PSD3: variants seen among roughly 807,000 people sequenced by gnomAD.
PSD3 encodes the protein pleckstrin and Sec7 domain containing 3.
PSD3 carries 49 observed loss-of-function variants against 105.5 expected under a neutral mutation model. That is an observed-to-expected ratio of 0.46 (90% CI 0.37 to 0.59). The LOEUF (loss-of-function observed/expected upper bound fraction) is 0.59. Among genes scored for constraint, PSD3 ranks in the 20% least tolerant of loss-of-function variants. The probability of loss-of-function intolerance (pLI) is 0.00; values close to 1 mark genes in which losing one functional copy is unlikely to be tolerated. For missense variants in PSD3, 1,561 were observed against 1,263.8 expected, an observed-to-expected ratio of 1.24 and a Z score of -3.57; for synonymous variants, 557 against 457.8, an observed-to-expected ratio of 1.22 and a Z score of -2.77.
chr8:19,021,288 C>A lies in PSD3; in HGVS notation c.324+62918G>T, dbSNP rs10104279. 3.4e-3 allele frequency among the ~76,000 whole-genome samples: 518 copies of A among 152,322 alleles called. 2 individuals are homozygous for A. The highest frequency in any genetic ancestry group is 0.012 in the African/African-American group (500 of 41,588). On this transcript the variant is annotated intron_variant, in intron 1 of 1. Transcript: ENST00000521475. ...GTGTCTGCGTTCTGCTCTCTCCCTA[C>A]CTCCTGCAATCATCACTTCTCTTTT...
rs1204381287 is a variant in PSD3, at chr8:18,936,076, C to T, written c.88G>A (p.Glu30Lys). The T allele has an allele frequency of 9.9e-6, 16 of 1,613,134 alleles. No homozygotes were observed. In the South Asian group the frequency reaches 1.5e-4, roughly 16 times the overall value. Reference protein sequence around the residue: ...HSQSVAKAKYEFLFGRSEGKA... With the variant: ...HSQSVAKAKYKFLFGRSEGKA... Reference sequence around the variant, plus strand: ...CCTTCAGATCTGCCAAATAAAAATTCATATTTGGCCTTGGCAACACTCTGG... The same window carrying T: ...CCTTCAGATCTGCCAAATAAAAATTTATATTTGGCCTTGGCAACACTCTGG... The change falls in exon 2 of 16, where the codon GAA (glutamate) becomes AAA (lysine). Residue 30 changes from glutamate to lysine, a missense_variant. Coordinates refer to ENST00000327040, the MANE Select transcript of PSD3 (RefSeq NM_015310.4).
chr8:18,999,340 C>T (rs972298328), intron 1 of PSD3, among the ~76,000 whole-genome samples: 6 of 151,796 alleles, frequency 4.0e-5, no homozygotes, highest in African/African-American at 1.5e-4. Flanking sequence ...CTGCTCACAG[C>T]TGGTGACAGA....
intron 2 of PSD3, among the ~76,000 whole-genome samples, chr8:18,932,565 A>G (rs1415106533): frequency 1.3e-5 from 2 of 152,228 alleles, no homozygotes; most frequent in African/African-American, 4.8e-5. Context: ...CTCATGGGCT[A>G]TGAGAGAGAC....
At chr8:18,649,842 C>T (rs533895124) in intron 10 of PSD3, among the ~76,000 whole-genome samples, 3 of 152,228 alleles carry the variant, frequency 2.0e-5, no homozygotes, top group Admixed American at 6.5e-5. Context: ...GCACTTCCAC[C>T]CCACCCTGCT....
intron 13 of PSD3, among the ~76,000 whole-genome samples, chr8:18,574,513 C>T (rs1227009453): frequency 6.6e-6 from 1 of 152,134 alleles, no homozygotes; most frequent in Non-Finnish European, 1.5e-5. Flanking sequence ...TCCTTATAAC[C>T]TCCCCCTAAA....
chr8:18,991,235 G>C (rs1039903688), intron 1 of PSD3, among the ~76,000 whole-genome samples: 1 of 151,940 alleles, frequency 6.6e-6, no homozygotes, highest in African/African-American at 2.4e-5. Flanking sequence ...GAATTTCAGT[G>C]GTAAAAATAC....
At chr8:18,818,353 A>AC (rs72575515) in intron 4 of PSD3, among the ~76,000 whole-genome samples, 5,906 of 148,236 alleles carry the variant, frequency 0.04, 274 homozygotes, top group East Asian at 0.14. Flanking sequence ...GTAGGGAGCT[A>AC]CTTTTTTTTT....
chr8:18,930,260 G>A (rs1211664422), intron 2 of PSD3, among the ~76,000 whole-genome samples: 2 of 152,058 alleles, frequency 1.3e-5, no homozygotes, highest in African/African-American at 2.4e-5. Flanking sequence ...AGATCTCAAA[G>A]GTCTTTTCAT....
At chr8:19,020,523 G>A (rs965034111) in intron 1 of PSD3, among the ~76,000 whole-genome samples, 1 of 152,040 alleles carries the variant, frequency 6.6e-6, no homozygotes, top group Non-Finnish European at 1.5e-5. Flanking sequence ...GACCTTATAG[G>A]TTGTTGTAAA....
intron 1 of PSD3, among the ~76,000 whole-genome samples, chr8:19,011,640 A>G (rs1826954312): frequency 6.6e-6 from 1 of 152,204 alleles, no homozygotes; most frequent in Non-Finnish European, 1.5e-5. Context: ...GCAGAATTGA[A>G]TTGCTTAAGT....
At chr8:18,877,528 T>C (rs1817802375) in intron 2 of PSD3, among the ~76,000 whole-genome samples, 1 of 148,958 alleles carries the variant, frequency 6.7e-6, no homozygotes, top group Non-Finnish European at 1.5e-5. Flanking sequence ...TCCATTGAGC[T>C]AGATGCCTAT....
chr8:19,015,281 AT>A (rs1361856142), upstream of PSD3, among the ~76,000 whole-genome samples: 11 of 152,202 alleles, frequency 7.2e-5, no homozygotes, highest in African/African-American at 2.7e-4. Context: ...GCTTTACGCC[AT>A]GATTGTGAGG....
chr8:18,560,083 G>A (rs561884385), intron 14 of PSD3, among the ~76,000 whole-genome samples: 46 of 152,168 alleles, frequency 3.0e-4, no homozygotes, highest in South Asian at 6.2e-4. Context: ...TTTGAACAGT[G>A]AAATAGAAAT....
rs201426263 is a variant in PSD3 at position 18,605,609 on chromosome 8, G to A, written c.2411-5175C>T. ...TGATTGTATTTTGCCATGTGAGAAG[G>A]ACATGATATTTGGGAGGGGCCTGGG... is the stretch of plus-strand genomic sequence containing the variant. On this transcript the variant is annotated intron_variant, in intron 11 of 15. Coordinates refer to ENST00000327040, the MANE Select transcript of PSD3 (RefSeq NM_015310.4). Among the ~76,000 whole-genome samples, 10 of 152,246 alleles carry A rather than the reference G, an allele frequency of 6.6e-5. No individual in the cohort carries two copies. The East Asian group carries it at 1.9e-3, about 29-fold the overall frequency.
rs1022753610 is a variant in PSD3 at position 18,530,833 on chromosome 8, G to C, written c.*4910C>G. Reference sequence around the variant, plus strand: ...GATTCAAAGCTCAAAGAATTTTCTAGCATAAAGTCTTATTAAAAATTTTAA... The same window carrying C: ...GATTCAAAGCTCAAAGAATTTTCTACCATAAAGTCTTATTAAAAATTTTAA... On this transcript the variant is annotated 3_prime_UTR_variant, in exon 16 of 16. Coordinates refer to ENST00000327040, the MANE Select transcript of PSD3 (RefSeq NM_015310.4). 2.0e-5 allele frequency: 3 copies of C among 151,888 alleles called. No individual in the cohort carries two copies. Among genetic ancestry groups the C allele is most frequent in the African/African-American group, 7.3e-5 (3 of 41,348 alleles). 9.4% of individuals were successfully genotyped at this position (151,888 alleles called of 1,614,324 possible).
chr8:18,654,270 T>C (rs1304589995), intron 10 of PSD3, among the ~76,000 whole-genome samples: 1 of 152,182 alleles, frequency 6.6e-6, no homozygotes, highest in Admixed American at 6.5e-5. Context: ...CTGCACATTA[T>C]ATGTAATACA....
chr8:18,796,371 G>T (rs1445628124), intron 8 of PSD3, among the ~76,000 whole-genome samples: 1 of 152,150 alleles, frequency 6.6e-6, no homozygotes, highest in Admixed American at 6.5e-5. Flanking sequence ...TGGCTTCCAT[G>T]AACATTGTCT....
At chr8:18,862,514 A>T (rs1816527327) in intron 4 of PSD3, among the ~76,000 whole-genome samples, 1 of 152,176 alleles carries the variant, frequency 6.6e-6, no homozygotes, top group Non-Finnish European at 1.5e-5. Context: ...GAGCAACAGC[A>T]ACAGGCTCAT....
At chr8:18,943,638 T>C (rs898512545) in intron 1 of PSD3, among the ~76,000 whole-genome samples, 2 of 152,066 alleles carry the variant, frequency 1.3e-5, no homozygotes, top group African/African-American at 4.8e-5. Flanking sequence ...TCACAAGGAA[T>C]GGTTATCAAG....
Sources: allele counts gnomAD v4.1 joint callset (sites outside exome capture counted in the v4.1 genomes callset), GRCh38; gene constraint gnomAD v4.1.1; transcripts MANE v1.5; gene names NCBI Gene and HGNC (gene_info 2026-07-23, HGNC 2026-07-21).